Variants in MSI2 observed in about 807,000 individuals in gnomAD.
MSI2 encodes the protein RNA-binding protein Musashi homolog 2.
Under a neutral mutation model 45.6 loss-of-function variants are expected in MSI2, and 17 were observed. The observed-to-expected ratio is 0.37, with a 90% CI of 0.26 to 0.56. MSI2 has a LOEUF of 0.56. Ranked by LOEUF, MSI2 falls within the 20% of genes least tolerant of loss-of-function variation. MSI2 has a pLI of 0.77. For missense variants in MSI2, 293 were observed against 444.2 expected (o/e 0.66, Z 3.06); for synonymous variants, 156 against 158.2 (o/e 0.99, Z 0.11).
At chr17:57,353,102 G>C (rs549228102) in intron 5 of MSI2, among the ~76,000 whole-genome samples, 1 of 152,212 alleles carries the variant, frequency 6.6e-6, no homozygotes, top group African/African-American at 2.4e-5. Flanking sequence ...AATATCAACA[G>C]TTCATTGGCC....
chr17:57,672,370 C>T (rs575333061), intron 11 of MSI2, among the ~76,000 whole-genome samples: 22 of 152,338 alleles, frequency 1.4e-4, no homozygotes, highest in African/African-American at 5.3e-4. Flanking sequence ...GGAATGGGAG[C>T]GGTTGCCAAG....
At chr17:57,451,123 G>C (rs1488376365) in intron 6 of MSI2, among the ~76,000 whole-genome samples, 1 of 152,126 alleles carries the variant, frequency 6.6e-6, no homozygotes, top group African/African-American at 2.4e-5. Flanking sequence ...GCAAAGTGTT[G>C]GGGGTTGAGT....
rs1478868796 is a variant in MSI2 at position 57,560,716 on chromosome 17, TTATTAACAATTACTGCCGG to T, written c.454+30996_454+31014del. 2.0e-5 allele frequency among the ~76,000 whole-genome samples: 3 copies of T among 152,368 alleles called. No individual in the cohort carries two copies. The East Asian group carries it at 5.8e-4, about 29-fold the overall frequency. On this transcript the variant is annotated intron_variant, in intron 7 of 13. Transcript: ENST00000284073. Reference sequence around the variant, plus strand: ...TCTGAGCAGTATAATAATGCTGCTATTATTAACAATTACTGCCGGTATGGAGAGGAGTCATTAGGGCAAT... The same window carrying T: ...TCTGAGCAGTATAATAATGCTGCTATTATGGAGAGGAGTCATTAGGGCAAT...
chr17:57,669,816 C>T (rs1912649111), intron 11 of MSI2, among the ~76,000 whole-genome samples: 1 of 152,192 alleles, frequency 6.6e-6, no homozygotes, highest in Admixed American at 6.5e-5. Flanking sequence ...CCCTCCATTG[C>T]ATTTGCCTCC....
chr17:57,412,485 T>C (rs2084215338), intron 6 of MSI2, among the ~76,000 whole-genome samples: 1 of 152,220 alleles, frequency 6.6e-6, no homozygotes, highest in South Asian at 2.1e-4. Context: ...GGGCTGTCCC[T>C]TAACGTACTT....
At chr17:57,531,081 G>A (rs923891194) in intron 7 of MSI2, among the ~76,000 whole-genome samples, 2 of 152,136 alleles carry the variant, frequency 1.3e-5, no homozygotes, top group African/African-American at 4.8e-5. Context: ...AGCCCAGTGA[G>A]TGAGATGAAG....
chr17:57,606,843 G>A (rs988640937), intron 8 of MSI2, among the ~76,000 whole-genome samples: 12 of 151,846 alleles, frequency 7.9e-5, no homozygotes, highest in African/African-American at 2.7e-4. Flanking sequence ...ACGCAGATAG[G>A]CCTTGAGGGT....
At chr17:57,433,716 T>C (rs2084640981) in intron 6 of MSI2, among the ~76,000 whole-genome samples, 1 of 152,186 alleles carries the variant, frequency 6.6e-6, no homozygotes, top group Non-Finnish European at 1.5e-5. Flanking sequence ...ATGCGGACCC[T>C]CGCTTTGTTA....
In MSI2 at chr17:57,436,883, C is replaced by T. The variant is rs539448509; in HGVS notation, c.405+35412C>T. The stretch of plus-strand genomic sequence containing the variant: ...ACTCTGGTTTTAGAGAAAACATTTT[C>T]CCCACCCTTCCTGTCCCTTCTCCTG... On this transcript the variant is annotated intron_variant, in intron 6 of 13. Coordinates refer to ENST00000284073, the MANE Select transcript of MSI2 (RefSeq NM_138962.4). Among the ~76,000 whole-genome samples the T allele has an allele frequency of 2.0e-5, 3 of 152,218 alleles. No homozygotes were observed. In the East Asian group the frequency reaches 5.8e-4, roughly 29 times the overall value.
chr17:57,502,636 T>TATATATATATATAGAGAGAGAGAG, intron 6 of MSI2, among the ~76,000 whole-genome samples: 11 of 96,926 alleles, frequency 1.1e-4, no homozygotes, highest in Admixed American at 2.7e-4. Flanking sequence ...TATATATATA[T>TATATATATATATAGAGAGAGAGAG]AGTCATCATT....
intron 8 of MSI2, among the ~76,000 whole-genome samples, chr17:57,597,465 T>TTAAAAAA: frequency 2.2e-5 from 1 of 46,030 alleles, no homozygotes; most frequent in Middle Eastern, 8.3e-3. Context: ...ACCTCATCTC[T>TTAAAAAA]TAAAAAAAAA....
intron 9 of MSI2, among the ~76,000 whole-genome samples, chr17:57,621,389 A>G (rs1209175615): frequency 6.6e-6 from 1 of 152,268 alleles, no homozygotes; most frequent in Non-Finnish European, 1.5e-5. Flanking sequence ...TAGCACTTCT[A>G]GGGATTTTTT....
chr17:57,634,979 T>G (rs1053156950), intron 10 of MSI2, among the ~76,000 whole-genome samples: 1 of 152,230 alleles, frequency 6.6e-6, no homozygotes. Flanking sequence ...CATGACCAGT[T>G]TCAGCTGCCT....
chr17:57,286,061 T>C (rs1380337815), intron 5 of MSI2: 14 of 1,171,994 alleles, frequency 1.2e-5, no homozygotes, highest in Non-Finnish European at 1.6e-5. Flanking sequence ...CCTCTTTCTG[T>C]CTTTCCCTCC....
intron 11 of MSI2, among the ~76,000 whole-genome samples, chr17:57,673,075 C>T (rs753870914): frequency 8.5e-5 from 13 of 152,258 alleles, no homozygotes; most frequent in Non-Finnish European, 1.5e-4. Context: ...GGCTTCCCGC[C>T]CCAAGGGCAT....
chr17:57,652,191 C>A lies in MSI2; in HGVS notation c.790+30C>A. The A allele has an allele frequency of 6.2e-7, 1 of 1,606,112 alleles. No homozygotes were observed. The highest frequency in any genetic ancestry group is 1.3e-5 in the African/African-American group (1 of 74,880). ...GAAGGTGTATGGGACAGGCGACTCC[C>A]AGGCATGCCCCCAGTGTGCAGGGGG... On this transcript the variant is annotated intron_variant, in intron 11 of 13. Transcript: ENST00000284073. The surrounding 1 kb of genome is among the most constrained non-coding windows in gnomAD (Gnocchi z 4.1).
chr17:57,350,104 C>G (rs1489393476), intron 5 of MSI2, among the ~76,000 whole-genome samples: 2 of 152,098 alleles, frequency 1.3e-5, no homozygotes, highest in African/African-American at 4.8e-5. Context: ...AAGTAACTTA[C>G]GTGTTCCAGT....
rs11454286 is a variant in MSI2 at position 57,681,819 on chromosome 17, T to TAA, written c.*2314_*2315dup. ...AAAACAACAAAACATAAGTTTTATTTAAAAAAAAAAAAAGAAAGAAAAAAT... is the reference window on the plus strand; with the variant it reads ...AAAACAACAAAACATAAGTTTTATTTAAAAAAAAAAAAAAAGAAAGAAAAAAT... On this transcript the variant is annotated 3_prime_UTR_variant, in exon 14 of 14. Coordinates refer to ENST00000284073, the MANE Select transcript of MSI2 (RefSeq NM_138962.4). The TAA allele has an allele frequency of 2.6e-4, 45 of 173,876 alleles. No homozygotes were observed. The highest frequency in any genetic ancestry group is 1.3e-3 in the East Asian group (14 of 10,694). 10.8% of individuals were successfully genotyped at this position (173,876 alleles called of 1,614,324 possible). A position where few individuals can be genotyped will look rare whatever the true frequency, so the allele number is the denominator to read the frequency against.
At chr17:57,285,733 TG>T in intron 5 of MSI2, 4 of 849,566 alleles carry the variant, frequency 4.7e-6, no homozygotes, top group Non-Finnish European at 4.9e-6. Context: ...TAGGTATTCC[TG>T]AGAATTTCTG....
Sources: gnomAD v4.1 joint callset for allele counts (sites outside exome capture counted in the v4.1 genomes callset) on GRCh38, gnomAD v4.1.1 for gene constraint, Gnocchi (gnomAD v3.1) non-coding constraint, MANE v1.5 for transcripts, NCBI Gene and HGNC (gene_info 2026-07-23, HGNC 2026-07-21) for gene names.